Variants in ANPEP observed in about 807,000 individuals in gnomAD.
The protein encoded by ANPEP is aminopeptidase N.
ANPEP carries 70 observed loss-of-function variants against 114.6 expected under a neutral mutation model. The ratio of observed to expected loss-of-function variants is 0.61; its 90% confidence interval spans 0.50 to 0.75. The LOEUF (loss-of-function observed/expected upper bound fraction) is 0.75. Among genes scored for constraint, ANPEP ranks in the 30% least tolerant of loss-of-function variants. The probability of loss-of-function intolerance (pLI) is 0.00; values close to 1 mark genes in which losing one functional copy is unlikely to be tolerated. For synonymous variants in ANPEP, 548 were observed against 522.3 expected (o/e 1.05, Z -0.67); for missense variants, 1,184 against 1,259.5 (o/e 0.94, Z 0.91).
rs781193225 is a variant in ANPEP at position 89,806,107 on chromosome 15, G to A, written c.477C>T (p.Thr159=). The A allele has an allele frequency of 6.2e-6, 10 of 1,614,030 alleles. No homozygotes were observed. Among genetic ancestry groups the A allele is most frequent in the East Asian group, 4.5e-5 (2 of 44,876 alleles). ...DIDKTELVEP[T]EYLVVHLKGS... Reference sequence around the variant, plus strand: ...CCTTGAGGTGCACCACCAGGTACTCGGTGGGCTCCACCAGCTCAGTCTTGT... The same window carrying A: ...CCTTGAGGTGCACCACCAGGTACTCAGTGGGCTCCACCAGCTCAGTCTTGT... The change falls in exon 2 of 21, where the codon ACC becomes ACT. Residue 159 remains threonine, a synonymous_variant. Transcript: ENST00000300060. This position sits in a 1 kb window ranked among gnomAD's most constrained non-coding sequence, Gnocchi z 5.7.
In ANPEP at chr15:89,799,352, C is replaced by T. The variant is rs532595616; in HGVS notation, c.1954-37G>A. The T allele has an allele frequency of 1.2e-6, 2 of 1,614,154 alleles. No individual in the cohort carries two copies. On this transcript the variant is annotated intron_variant, in intron 13 of 20. Transcript: ENST00000300060. The surrounding 1 kb of genome is among the most constrained non-coding windows in gnomAD (Gnocchi z 4.2). ...AGCACAGCATGTGACCATGGGTTGG[C>T]TGTGGGTGGCAGGCCTTGCAGTCTG...
At chr15:89,804,901 A>G (rs1416523900) in intron 4 of ANPEP, 177 bp downstream of exon 4, 4 of 984,656 alleles carry the variant, frequency 4.1e-6, no homozygotes, top group Non-Finnish European at 5.9e-6. Context: ...CATTGTTTTC[A>G]TTTTTCAGGT....
Position 89,792,324 on chromosome 15 carries a change from G to C in ANPEP, c.2364C>G (p.Ile788Met). 6.2e-7 allele frequency: 1 copy of C among 1,614,174 alleles called. No homozygotes were observed. Residue 788 changes from isoleucine (I) to methionine (M), a missense_variant, in exon 18 of 21, where the codon ATC becomes ATG. Ile to Met is a conservative substitution (Grantham distance 10). Transcript: ENST00000300060. ...QWMENPNNNP[I>M]HPNLRSTVYC... ...AGACGGTGGACCGCAGGTTGGGGTG[G>C]ATCCTGGTGTGGGGTAGGGAGGTCA...
chr15:89,801,316 G>A (rs1894584710), intron 11 of ANPEP, 119 bp downstream of exon 11: 2 of 1,540,922 alleles, frequency 1.3e-6, no homozygotes, highest in African/African-American at 2.7e-5. Flanking sequence ...GCTCTGGAGG[G>A]AGGGTCTGTC....
At chr15:89,792,684 C>T (rs1377759678) in intron 16 of ANPEP, 122 bp from the exon 17 acceptor site, 5 of 824,006 alleles carry the variant, frequency 6.1e-6, no homozygotes, top group Non-Finnish European at 9.8e-6. Flanking sequence ...GCCCTCTGAC[C>T]CCCGCTGTAT....
chr15:89,810,466 G>A (rs538450955), intron 1 of ANPEP, among the ~76,000 whole-genome samples: 2 of 152,162 alleles, frequency 1.3e-5, no homozygotes, highest in African/African-American at 2.4e-5. Context: ...AGCTACTTGG[G>A]GGGCTGAGGC....
intron 15 of ANPEP, 53 bp downstream of exon 15, chr15:89,797,522 C>A: frequency 6.3e-7 from 1 of 1,575,996 alleles, no homozygotes. Context: ...TAATAGTGCA[C>A]TTTCAGGCAC....
chr15:89,807,214 C>T (rs1196441551), intron 1 of ANPEP, among the ~76,000 whole-genome samples: 1 of 152,214 alleles, frequency 6.6e-6, no homozygotes, highest in Non-Finnish European at 1.5e-5. Flanking sequence ...ATTATCAGCT[C>T]ACGGAATAAA....
At chr15:89,793,659 C>T (rs1228465039) in intron 15 of ANPEP, among the ~76,000 whole-genome samples, 2 of 147,906 alleles carry the variant, frequency 1.4e-5, no homozygotes, top group Non-Finnish European at 3.0e-5. Flanking sequence ...GCTGTGATCA[C>T]GCCACTGCAC....
chr15:89,794,765 G>A (rs966016516), intron 15 of ANPEP, among the ~76,000 whole-genome samples: 2 of 152,142 alleles, frequency 1.3e-5, no homozygotes, highest in African/African-American at 4.8e-5. Flanking sequence ...CATACTGAAA[G>A]GTGGCACCCC....
At chr15:89,787,459 A>G (rs1161375587) in intron 20 of ANPEP, among the ~76,000 whole-genome samples, 1 of 152,216 alleles carries the variant, frequency 6.6e-6, no homozygotes, top group Non-Finnish European at 1.5e-5. Flanking sequence ...ACTTTCTTAG[A>G]TATGATACAT....
At position 89,813,989 on chromosome 15, in the gene ANPEP, G is replaced by GC. The variant is rs1316860229; in HGVS notation, c.-224+782dup. Among the ~76,000 whole-genome samples, 791 of 128,090 alleles carry GC rather than the reference G, an allele frequency of 6.2e-3. 9 individuals carry two copies. The highest frequency in any genetic ancestry group is 0.017 in the East Asian group (48 of 2,880). The allele number at this position is 128,090 out of a possible 152,430, so 84.0% of individuals were successfully genotyped here. Reference sequence around the variant, plus strand: ...CTGGGCCGTCCCTGCCCACCGCACTGCTGGGGGGGGGGGGTGCGTTCTGGA... The same window carrying GC: ...CTGGGCCGTCCCTGCCCACCGCACTGCCTGGGGGGGGGGGGTGCGTTCTGGA... On this transcript the variant is annotated intron_variant, in intron 1 of 20. Coordinates refer to ENST00000300060, the MANE Select transcript of ANPEP (RefSeq NM_001150.3).
Position 89,801,105 on chromosome 15 carries a change from G to T in ANPEP, c.1819+6C>A, listed in dbSNP as rs1894579328. 6.2e-7 allele frequency: 1 copy of T among 1,613,862 alleles called. No individual in the cohort carries two copies. The highest frequency in any genetic ancestry group is 1.7e-5 in the Admixed American group (1 of 60,022). On this transcript the variant is annotated splice_donor_region_variant and intron_variant, in intron 12 of 20. Coordinates refer to ENST00000300060, the MANE Select transcript of ANPEP (RefSeq NM_001150.3). The stretch of plus-strand genomic sequence containing the variant: ...GGCTGCTGCCCATAAGGCAGGGCTG[G>T]ATTACCTCTTACATCTATCAGCCAG...
rs1596161488 is a variant in ANPEP, at chr15:89,792,093, T to C, written c.2528+67A>G. ...CACGTGAAGGATCTGGCGAGGAGTG[T>C]GGAGGCCTGCCTGGTTCTCCAGGTG... is the stretch of plus-strand genomic sequence containing the variant. On this transcript the variant is annotated intron_variant, in intron 18 of 20. Coordinates refer to ENST00000300060, the MANE Select transcript of ANPEP (RefSeq NM_001150.3). The C allele has an allele frequency of 1.9e-6, 3 of 1,555,520 alleles. No individual in the cohort carries two copies. The East Asian group carries it at 6.8e-5, about 35-fold the overall frequency.
intron 1 of ANPEP, among the ~76,000 whole-genome samples, chr15:89,812,934 G>C (rs1007038366): frequency 6.6e-6 from 1 of 152,144 alleles, no homozygotes; most frequent in Non-Finnish European, 1.5e-5. Context: ...AGGGCTGGGA[G>C]CTGGGGGTAG....
chr15:89,804,517 T>A lies in ANPEP; in HGVS notation c.998A>T (p.Asp333Val). ...TGATTTTGGGAGTGGGTAGGGTGTGTCATAATGACCAGCAAAGAAGTTAAG... is the reference window on the plus strand; with the variant it reads ...TGATTTTGGGAGTGGGTAGGGTGTGACATAATGACCAGCAAAGAAGTTAAG... Reference protein sequence around the residue: ...PILNFFAGHYDTPYPLPKSDQ... With the variant: ...PILNFFAGHYVTPYPLPKSDQ... The change falls in exon 5 of 21, where the codon GAC becomes GTC. Residue 333 changes from aspartate (D) to valine (V), a missense_variant. Physicochemically the swap from Asp to Val is radical, Grantham distance 152 (BLOSUM62 -3). Coordinates refer to ENST00000300060, the MANE Select transcript of ANPEP (RefSeq NM_001150.3). 1.9e-6 allele frequency: 3 copies of A among 1,614,152 alleles called. No individual in the cohort carries two copies. Among genetic ancestry groups the A allele is most frequent in the Non-Finnish European group, 1.7e-6 (2 of 1,180,020 alleles).
At chr15:89,814,429 C>T (rs1055342294) in intron 1 of ANPEP, among the ~76,000 whole-genome samples, 1 of 152,182 alleles carries the variant, frequency 6.6e-6, no homozygotes, top group African/African-American at 2.4e-5. Flanking sequence ...GTCCACCCGC[C>T]GCAGCTTAGC....
In ANPEP at chr15:89,806,779, G is replaced by A. The variant is rs940153684; in HGVS notation, c.-196C>T. On this transcript the variant is annotated 5_prime_UTR_variant, in exon 2 of 21. Transcript: ENST00000300060. This position sits in a 1 kb window ranked among gnomAD's most constrained non-coding sequence, Gnocchi z 5.7. Reference sequence around the variant, plus strand: ...GCCTGGGGAGAGGAGATCCAGGAACGGTGTGTGGAGCTGGGCTCGGGGGGT... The same window carrying A: ...GCCTGGGGAGAGGAGATCCAGGAACAGTGTGTGGAGCTGGGCTCGGGGGGT... The A allele has an allele frequency of 8.0e-6, 7 of 873,028 alleles. No individual in the cohort carries two copies. Among genetic ancestry groups the A allele is most frequent in the East Asian group, 5.4e-5 (2 of 36,790 alleles). 54.1% of individuals were successfully genotyped at this position (873,028 alleles called of 1,614,324 possible).
rs1249688266 is a variant in ANPEP at position 89,801,411 on chromosome 15, G to A, written c.1742+24C>T. Reference sequence around the variant, plus strand: ...CCCTCTACCCCACCCACCTGACCATGCCTCAGTGACCCCATCTGCTCACTT... The same window carrying A: ...CCCTCTACCCCACCCACCTGACCATACCTCAGTGACCCCATCTGCTCACTT... On this transcript the variant is annotated intron_variant, in intron 11 of 20. Transcript: ENST00000300060. The A allele has an allele frequency of 2.5e-6, 4 of 1,612,856 alleles. No individual in the cohort carries two copies. The African/African-American group carries it at 5.3e-5, about 21-fold the overall frequency.
Sources: gnomAD v4.1 joint callset for allele counts (sites outside exome capture counted in the v4.1 genomes callset) on GRCh38, gnomAD v4.1.1 for gene constraint, Gnocchi (gnomAD v3.1) non-coding constraint, MANE v1.5 for transcripts, NCBI Gene and HGNC (gene_info 2026-07-23, HGNC 2026-07-21) for gene names.